Variants in MYBL1 observed in about 807,000 individuals in gnomAD.
MYBL1 encodes MYB proto-oncogene like 1.
A neutral mutation model predicts 96.3 loss-of-function variants in MYBL1; 17 were observed. The ratio of observed to expected loss-of-function variants is 0.18; its 90% CI spans 0.12 to 0.26. The LOEUF is 0.26. Ranked by LOEUF, MYBL1 falls within the 10% of genes least tolerant of loss-of-function variation. The pLI is 1.00. For synonymous variants in MYBL1, 282 were observed against 292.7 expected (o/e 0.96, Z 0.37); for missense variants, 701 against 882.9 (o/e 0.79, Z 2.61).
chr8:66,575,420 G>A (rs1563530490), intron 10 of MYBL1, among the ~76,000 whole-genome samples: 2 of 152,076 alleles, frequency 1.3e-5, no homozygotes, highest in Non-Finnish European at 2.9e-5. Context: ...TTACCTTTCC[G>A]GGCTTGTTTT....
intron 12 of MYBL1, among the ~76,000 whole-genome samples, chr8:66,571,876 C>CAAA (rs113777940): frequency 3.8e-5 from 4 of 104,196 alleles, no homozygotes; most frequent in African/African-American, 1.5e-4. Flanking sequence ...GACTGCGTCT[C>CAAA]AAAAAAAAAA....
rs1394724170 is a variant in MYBL1 at position 66,563,043 on chromosome 8, TACAA to T, written c.*1650_*1653del. The stretch of plus-strand genomic sequence containing the variant: ...CTTAGTATTTCCATTTCTATTAACA[TACAA>T]ACAGAGCAGAAAATCTTAACCTGCT... On this transcript the variant is annotated 3_prime_UTR_variant, in exon 16 of 16. Transcript: ENST00000522677. 2 of 152,390 alleles carry T rather than the reference TACAA, an allele frequency of 1.3e-5. No homozygotes were observed. Among genetic ancestry groups the T allele is most frequent in the East Asian group, 3.8e-4 (2 of 5,202 alleles). The allele number at this position is 152,390 out of a possible 1,614,324, so 9.4% of individuals were successfully genotyped here.
rs765235626 is a variant in MYBL1 at position 66,564,839 on chromosome 8, A to G, written c.2131-14T>C. The G allele has an allele frequency of 1.3e-6, 2 of 1,531,050 alleles. No individual in the cohort carries two copies. The highest frequency in any genetic ancestry group is 2.5e-5 in the South Asian group (2 of 80,968). The allele number at this position is 1,531,050 out of a possible 1,614,324, so 94.8% of individuals were successfully genotyped here. ...TTCACAATTTGACTAGAAAGGAAAT[A>G]TTAATAGTGACATGAAAATTATTAA... On this transcript the variant is annotated splice_polypyrimidine_tract_variant and intron_variant, in intron 15 of 15. Coordinates refer to ENST00000522677, the MANE Select transcript of MYBL1 (RefSeq NM_001080416.4).
At chr8:66,612,724 G>A (rs1252983587) in intron 1 of MYBL1, 95 bp downstream of exon 1, 4 of 1,287,910 alleles carry the variant, frequency 3.1e-6, no homozygotes, top group South Asian at 2.7e-5. Flanking sequence ...GCCCTCGCCA[G>A]GGAGGGCCTT....
chr8:66,590,119 T>C (rs375228707), intron 8 of MYBL1, among the ~76,000 whole-genome samples: 69 of 152,250 alleles, frequency 4.5e-4, no homozygotes, highest in African/African-American at 1.5e-3. Flanking sequence ...TTTCTTATGG[T>C]ATATATCTTG....
At chr8:66,602,301 T>G (rs567981760) in intron 2 of MYBL1, 117 bp downstream of exon 2, 2 of 524,924 alleles carry the variant, frequency 3.8e-6, no homozygotes, top group South Asian at 3.0e-5. Flanking sequence ...TCCGCCCATC[T>G]CGGCCTCCCA....
chr8:66,611,632 G>A (rs1454700902), intron 1 of MYBL1, among the ~76,000 whole-genome samples: 2 of 152,128 alleles, frequency 1.3e-5, no homozygotes, highest in African/African-American at 4.8e-5. Context: ...AGTTTTAGAG[G>A]GGTCTGTGTA....
At chr8:66,601,477 A>G (rs1586595812) in intron 3 of MYBL1, among the ~76,000 whole-genome samples, 1 of 152,164 alleles carries the variant, frequency 6.6e-6, no homozygotes, top group South Asian at 2.1e-4. Context: ...TAAGTTAATA[A>G]TCTTTTTAGG....
intron 4 of MYBL1, among the ~76,000 whole-genome samples, chr8:66,598,673 G>T (rs1321476861): frequency 2.6e-5 from 4 of 152,070 alleles, no homozygotes; most frequent in African/African-American, 4.8e-5. Flanking sequence ...AATGACTTCC[G>T]TGCATATCAA....
intron 8 of MYBL1, among the ~76,000 whole-genome samples, chr8:66,585,107 A>G (rs1435194868): frequency 6.6e-6 from 1 of 152,186 alleles, no homozygotes; most frequent in Non-Finnish European, 1.5e-5. Context: ...AAACAAACAA[A>G]CAAAAACAAA....
At position 66,578,458 on chromosome 8, in the gene MYBL1, C is replaced by T. The variant is rs1809059319; in HGVS notation, c.1101+1675G>A. Among the ~76,000 whole-genome samples the T allele has an allele frequency of 2.6e-5, 4 of 152,322 alleles. No homozygotes were observed. The South Asian group carries it at 6.2e-4, about 24-fold the overall frequency. ...CACTTCTCAAAAGAAGACATTTATG[C>T]AGCCAAAAGACACTTGAAAAAATGC... is the stretch of plus-strand genomic sequence containing the variant. On this transcript the variant is annotated intron_variant, in intron 9 of 15. Coordinates refer to ENST00000522677, the MANE Select transcript of MYBL1 (RefSeq NM_001080416.4).
chr8:66,583,345 C>CA (rs1468344523), intron 8 of MYBL1, among the ~76,000 whole-genome samples: 1 of 151,884 alleles, frequency 6.6e-6, no homozygotes, highest in East Asian at 1.9e-4. Flanking sequence ...AAAGCAGTAT[C>CA]AAAAGGGAAG....
intron 8 of MYBL1, among the ~76,000 whole-genome samples, chr8:66,580,603 G>T (rs1392531855): frequency 6.6e-6 from 1 of 152,024 alleles, no homozygotes; most frequent in African/African-American, 2.4e-5. Context: ...ACAACATAAA[G>T]TCCAAACTCT....
At chr8:66,567,107 C>G in intron 12 of MYBL1, 115 bp from the exon 13 acceptor site, 1 of 647,676 alleles carries the variant, frequency 1.5e-6, no homozygotes, top group Non-Finnish European at 2.6e-6. Flanking sequence ...TTTCTCCTAG[C>G]CCCTATAGAT....
intron 10 of MYBL1, among the ~76,000 whole-genome samples, chr8:66,574,013 T>C (rs943800520): frequency 6.6e-6 from 1 of 151,882 alleles, no homozygotes; most frequent in Non-Finnish European, 1.5e-5. Flanking sequence ...TTTGCCTATC[T>C]AGAACACAGA....
rs78313284 is a variant in MYBL1, at chr8:66,581,275, C to G, written c.868-909G>C. 3.0e-3 allele frequency among the ~76,000 whole-genome samples: 454 copies of G among 152,264 alleles called. 1 individual carries two copies. The highest frequency in any genetic ancestry group is 5.6e-3 in the Non-Finnish European group (381 of 68,006). ...TCAAGGCTGAGTTCACTTAGGACTT[C>G]TAGGAACCCTTCCCTGATGACAACA... On this transcript the variant is annotated intron_variant, in intron 8 of 15. Transcript: ENST00000522677.
chr8:66,571,740 G>A (rs1302150255), intron 12 of MYBL1, among the ~76,000 whole-genome samples: 3 of 151,846 alleles, frequency 2.0e-5, no homozygotes, highest in Non-Finnish European at 4.4e-5. Flanking sequence ...AATTAGCTGG[G>A]CGTGGTGGCG....
chr8:66,594,232 A>G (rs926314342), intron 6 of MYBL1, among the ~76,000 whole-genome samples: 83 of 152,140 alleles, frequency 5.5e-4, no homozygotes, highest in African/African-American at 2.0e-3. Flanking sequence ...ATGCAGAATC[A>G]TTATGTATAA....
chr8:66,573,344 AT>A lies in MYBL1; in HGVS notation c.1613+19del. 6.3e-7 allele frequency: 1 copy of A among 1,585,694 alleles called. No individual in the cohort carries two copies. Among genetic ancestry groups the A allele is most frequent in the Non-Finnish European group, 8.6e-7 (1 of 1,169,434 alleles). ...TGTGCTCCCCATTTTCTCTAACACA[AT>A]TATTTAATACCTACTTACCCTACAT... On this transcript the variant is annotated intron_variant, in intron 11 of 15. Coordinates refer to ENST00000522677, the MANE Select transcript of MYBL1 (RefSeq NM_001080416.4).
Sources: gnomAD v4.1 joint callset for allele counts (sites outside exome capture counted in the v4.1 genomes callset) on GRCh38, gnomAD v4.1.1 for gene constraint, MANE v1.5 for transcripts, NCBI Gene and HGNC (gene_info 2026-07-23, HGNC 2026-07-21) for gene names.